Variants in TENM3 observed in about 807,000 individuals in gnomAD.
TENM3 encodes teneurin-3.
A neutral mutation model predicts 255.1 loss-of-function variants in TENM3; 63 were observed. That is an observed-to-expected ratio of 0.25 (90% CI 0.20 to 0.30). TENM3 has a LOEUF of 0.30. TENM3 is among the 10% of genes least tolerant of loss of function. The probability of loss-of-function intolerance (pLI) is 1.00; values close to 1 mark genes in which losing one functional copy is unlikely to be tolerated. For synonymous variants in TENM3, 1,306 were observed against 1,322.3 expected, an observed-to-expected ratio of 0.99 and a Z score of 0.27; for missense variants, 2,929 against 3,461.1, an observed-to-expected ratio of 0.85 and a Z score of 3.86.
At chr4:182,196,023 A>C (rs561323295) in intron 1 of TENM3, among the ~76,000 whole-genome samples, 14 of 152,270 alleles carry the variant, frequency 9.2e-5, no homozygotes, top group African/African-American at 3.4e-4. Context: ...AAGAGAACTT[A>C]TCTTGGATTG....
chr4:181,555,223 T>C, the TENM3 span, among the ~76,000 whole-genome samples: 3 of 152,194 alleles, frequency 2.0e-5, no homozygotes, highest in Non-Finnish European at 4.4e-5. Context: ...TTCTTCACTT[T>C]ACAGAGGAGA....
intron 1 of TENM3, among the ~76,000 whole-genome samples, chr4:182,228,859 T>TA (rs1430272669): frequency 3.3e-5 from 5 of 152,156 alleles, no homozygotes; most frequent in Non-Finnish European, 7.4e-5. Flanking sequence ...AAGGACTGTG[T>TA]AAAATGCCAT....
the TENM3 span, among the ~76,000 whole-genome samples, chr4:182,080,493 A>T: frequency 1.3e-5 from 2 of 152,206 alleles, no homozygotes; most frequent in African/African-American, 4.8e-5. Flanking sequence ...GAAACTAGTA[A>T]AAATTTTTAT....
At chr4:181,883,723 C>T in the TENM3 span, among the ~76,000 whole-genome samples, 9 of 152,050 alleles carry the variant, frequency 5.9e-5, no homozygotes, top group South Asian at 1.9e-3. Context: ...GTGATCCGCC[C>T]GCCTCAGCCC....
At chr4:182,132,202 G>T in the TENM3 span, among the ~76,000 whole-genome samples, 1 of 152,160 alleles carries the variant, frequency 6.6e-6, no homozygotes, top group Non-Finnish European at 1.5e-5. Context: ...GTTATAGGCC[G>T]GGCGCAGTGG....
At chr4:182,264,404 G>T (rs746831393) in intron 1 of TENM3, among the ~76,000 whole-genome samples, 15 of 152,180 alleles carry the variant, frequency 9.9e-5, no homozygotes, top group Non-Finnish European at 1.5e-4. Context: ...ACCACGTGGC[G>T]GTACTTTCTC....
chr4:181,816,339 C>T, the TENM3 span, among the ~76,000 whole-genome samples: 3 of 152,150 alleles, frequency 2.0e-5, no homozygotes, highest in Non-Finnish European at 4.4e-5. Context: ...TCACACCTGA[C>T]ATTTTGCTTT....
At chr4:181,509,953 C>T in the TENM3 span, among the ~76,000 whole-genome samples, 1 of 152,172 alleles carries the variant, frequency 6.6e-6, no homozygotes, top group Non-Finnish European at 1.5e-5. Flanking sequence ...CTGAATGCCA[C>T]AGAACAAATG....
At chr4:182,403,945 T>A (rs547458534) in intron 3 of TENM3, among the ~76,000 whole-genome samples, 1 of 152,326 alleles carries the variant, frequency 6.6e-6, no homozygotes, top group African/African-American at 2.4e-5. Flanking sequence ...TGATCTTGAA[T>A]TCCTCGTCTC....
At chr4:181,534,244 A>G in the TENM3 span, among the ~76,000 whole-genome samples, 1 of 152,036 alleles carries the variant, frequency 6.6e-6, no homozygotes, top group Non-Finnish European at 1.5e-5. Flanking sequence ...TCAAAAAAAA[A>G]AAAAAAACAA....
chr4:182,242,718 G>A (rs867750204), upstream of TENM3, among the ~76,000 whole-genome samples: 9 of 152,244 alleles, frequency 5.9e-5, no homozygotes, highest in Middle Eastern at 3.4e-3. Flanking sequence ...CTGAGATTGC[G>A]CCAGTGCACT....
rs760837427 is a variant in TENM3, at chr4:182,789,155, T to C, written c.5367T>C (p.Tyr1789=). ...GAACAACAAAGACAGAAAAGATCTA[T>C]GACGACCACCGTAAATTTCTACTGA... ...FDRTTKTEKI[Y]DDHRKFLLRI... is the part of the protein sequence containing the mutation. The change falls in exon 25 of 28, where the codon TAT becomes TAC. Residue 1789 remains tyrosine (Y), a synonymous_variant. Coordinates refer to ENST00000511685, the MANE Select transcript of TENM3 (RefSeq NM_001080477.4). The surrounding 1 kb of genome is among the most constrained non-coding windows in gnomAD (Gnocchi z 4.4). 1 of 1,612,802 alleles carries C rather than the reference T, an allele frequency of 6.2e-7. No homozygotes were observed. The highest frequency in any genetic ancestry group is 8.5e-7 in the Non-Finnish European group (1 of 1,179,412).
chr4:181,795,192 G>T, the TENM3 span, among the ~76,000 whole-genome samples: 2 of 152,018 alleles, frequency 1.3e-5, no homozygotes, highest in Non-Finnish European at 2.9e-5. Flanking sequence ...CACAAAAGTT[G>T]CCTACACTGA....
chr4:182,066,757 A>T, the TENM3 span, among the ~76,000 whole-genome samples: 6 of 151,958 alleles, frequency 3.9e-5, no homozygotes, highest in East Asian at 9.7e-4. Context: ...AAAAATACAA[A>T]AAAATTAGCC....
the TENM3 span, among the ~76,000 whole-genome samples, chr4:182,027,153 G>A: frequency 1.3e-5 from 2 of 151,968 alleles, no homozygotes; most frequent in Non-Finnish European, 2.9e-5. Flanking sequence ...TTTCATTATA[G>A]AGATCTTCTT....
the TENM3 span, among the ~76,000 whole-genome samples, chr4:181,872,180 A>C: frequency 9.2e-5 from 14 of 151,658 alleles, no homozygotes; most frequent in Admixed American, 9.2e-4. Flanking sequence ...CAGAGCATCC[A>C]TGTAGGCTTG....
chr4:181,721,800 T>C, the TENM3 span, among the ~76,000 whole-genome samples: 1 of 151,782 alleles, frequency 6.6e-6, no homozygotes, highest in Admixed American at 6.6e-5. Context: ...AAGCAAGAAC[T>C]ACAAGACAGC....
At chr4:182,356,887 T>G (rs1287435308) in intron 3 of TENM3, among the ~76,000 whole-genome samples, 2 of 99,794 alleles carry the variant, frequency 2.0e-5, no homozygotes, top group African/African-American at 3.9e-5. Context: ...CCCACAACAG[T>G]CCCCAGAGTG....
chr4:181,830,415 A>G, the TENM3 span, among the ~76,000 whole-genome samples: 3 of 151,978 alleles, frequency 2.0e-5, no homozygotes, highest in African/African-American at 7.3e-5. Flanking sequence ...GATTACAGGT[A>G]TGTGCCATCA....
Sources: allele counts gnomAD v4.1 joint callset (sites outside exome capture counted in the v4.1 genomes callset), GRCh38; gene constraint gnomAD v4.1.1; non-coding constraint Gnocchi (gnomAD v3.1); transcripts MANE v1.5; gene names NCBI Gene and HGNC (gene_info 2026-07-23, HGNC 2026-07-21).